PTPRT: variants seen among roughly 807,000 people sequenced by gnomAD.
PTPRT encodes receptor-type tyrosine-protein phosphatase T.
A neutral mutation model predicts 176.8 loss-of-function variants in PTPRT; 56 were observed. That is an observed-to-expected ratio of 0.32 (90% CI 0.26 to 0.40). The LOEUF (loss-of-function observed/expected upper bound fraction) is 0.40. Ranked by LOEUF, PTPRT falls within the 10% of genes least tolerant of loss-of-function variation. The pLI, the probability that PTPRT is intolerant of heterozygous loss-of-function variation, is 1.00. For missense variants in PTPRT, 1,540 were observed against 1,908.2 expected (o/e 0.81, Z 3.60); for synonymous variants, 783 against 739.0 (o/e 1.06, Z -0.96).
At chr20:42,418,171 A>G (rs1369213665) in intron 9 of PTPRT, among the ~76,000 whole-genome samples, 2 of 152,242 alleles carry the variant, frequency 1.3e-5, no homozygotes, top group Non-Finnish European at 2.9e-5. Context: ...TATAAAAAGT[A>G]TAAAATATCT....
intron 7 of PTPRT, among the ~76,000 whole-genome samples, chr20:42,581,150 C>T (rs556748509): frequency 9.9e-5 from 15 of 152,102 alleles, no homozygotes; most frequent in Non-Finnish European, 2.2e-4. Context: ...ACTAGAAAGT[C>T]TTCCCTCCTC....
intron 11 of PTPRT, among the ~76,000 whole-genome samples, chr20:42,321,854 C>A (rs8124605): frequency 0.026 from 3,927 of 152,086 alleles, 157 homozygotes; most frequent in African/African-American, 0.089. Context: ...GAGGCCAAGG[C>A]GGGTGGATCA....
In PTPRT at chr20:42,079,451, T is replaced by C. The variant is rs1983101139; in HGVS notation, c.*1428A>G. The stretch of plus-strand genomic sequence containing the variant: ...TAAGGAAGGTGCGTGGGTTTCCTCA[T>C]TGGAGGAGATGATCAAATGGAGATG... On this transcript the variant is annotated 3_prime_UTR_variant, in exon 31 of 31. Transcript: ENST00000373187. 9.1e-6 allele frequency: 2 copies of C among 220,326 alleles called. No individual in the cohort carries two copies. Among genetic ancestry groups the C allele is most frequent in the African/African-American group, 2.2e-5 (1 of 44,582 alleles). The allele number at this position is 220,326 out of a possible 1,614,324, so 13.6% of individuals were successfully genotyped here.
chr20:42,681,171 A>G (rs1284737158), intron 6 of PTPRT, among the ~76,000 whole-genome samples: 1 of 152,186 alleles, frequency 6.6e-6, no homozygotes, highest in African/African-American at 2.4e-5. Flanking sequence ...GACAAACCCT[A>G]TCTATTTATA....
chr20:42,466,440 T>C (rs1601078252), intron 8 of PTPRT, among the ~76,000 whole-genome samples: 1 of 152,280 alleles, frequency 6.6e-6, no homozygotes, highest in African/African-American at 2.4e-5. Flanking sequence ...AGAACTGAAC[T>C]TTTGAACATA....
intron 1 of PTPRT, among the ~76,000 whole-genome samples, chr20:43,182,359 G>A (rs964488462): frequency 4.6e-5 from 7 of 152,002 alleles, no homozygotes; most frequent in Admixed American, 2.0e-4. Flanking sequence ...GCTCCACGAC[G>A]CTAAGAAAGT....
intron 2 of PTPRT, among the ~76,000 whole-genome samples, chr20:42,878,421 A>G (rs1396824848): frequency 1.3e-5 from 2 of 152,226 alleles, no homozygotes; most frequent in Admixed American, 6.5e-5. Flanking sequence ...AACAATGAAT[A>G]CACATTATTT....
At chr20:42,894,146 A>C (rs1410084612) in intron 1 of PTPRT, among the ~76,000 whole-genome samples, 1 of 152,214 alleles carries the variant, frequency 6.6e-6, no homozygotes, top group Non-Finnish European at 1.5e-5. Flanking sequence ...GAAGCGCCAT[A>C]AGGCCACCAG....
intron 12 of PTPRT, among the ~76,000 whole-genome samples, chr20:42,302,167 C>T (rs1439259921): frequency 1.3e-5 from 2 of 152,124 alleles, no homozygotes; most frequent in African/African-American, 2.4e-5. Context: ...TTTGTGAGCA[C>T]AAGTGCCTTA....
chr20:43,171,115 G>T, intron 1 of PTPRT, among the ~76,000 whole-genome samples: 1 of 152,180 alleles, frequency 6.6e-6, no homozygotes, highest in Non-Finnish European at 1.5e-5. Context: ...AGGTATCAAG[G>T]TCTGTGGCAC....
intron 1 of PTPRT, among the ~76,000 whole-genome samples, chr20:43,169,237 G>A (rs1450271779): frequency 6.6e-6 from 1 of 152,210 alleles, no homozygotes; most frequent in East Asian, 1.9e-4. Context: ...ACTGCGATTA[G>A]GGCAAACAAT....
At chr20:43,093,596 T>A (rs1431720832) in intron 1 of PTPRT, among the ~76,000 whole-genome samples, 1 of 152,208 alleles carries the variant, frequency 6.6e-6, no homozygotes, top group Non-Finnish European at 1.5e-5. Flanking sequence ...TCCAATTTCT[T>A]CCACATCCCT....
intron 2 of PTPRT, among the ~76,000 whole-genome samples, chr20:42,822,481 A>G (rs552325993): frequency 2.6e-5 from 4 of 152,364 alleles, no homozygotes; most frequent in Non-Finnish European, 5.9e-5. Context: ...CATTCAGGAC[A>G]TAGGCATGGG....
intron 8 of PTPRT, among the ~76,000 whole-genome samples, chr20:42,471,168 T>G (rs746398539): frequency 7.2e-5 from 11 of 152,208 alleles, no homozygotes; most frequent in Non-Finnish European, 1.3e-4. Context: ...TGTTTTTAAT[T>G]CTTACATAAT....
At chr20:42,956,596 T>A (rs899449789) in intron 1 of PTPRT, among the ~76,000 whole-genome samples, 1 of 151,960 alleles carries the variant, frequency 6.6e-6, no homozygotes, top group African/African-American at 2.4e-5. Flanking sequence ...TTTTTTTTTT[T>A]AAATAAATTA....
intron 1 of PTPRT, among the ~76,000 whole-genome samples, chr20:43,055,257 G>T (rs1305849569): frequency 6.6e-6 from 1 of 152,136 alleles, no homozygotes; most frequent in East Asian, 1.9e-4. Flanking sequence ...AGGCATGCAG[G>T]AATCAACTTC....
intron 2 of PTPRT, among the ~76,000 whole-genome samples, chr20:42,871,772 TG>T (rs61267823): frequency 0.042 from 6,381 of 152,080 alleles, 339 homozygotes; most frequent in African/African-American, 0.12. Context: ...GAAGATTATT[TG>T]ACCATGTATG....
intron 1 of PTPRT, among the ~76,000 whole-genome samples, chr20:43,020,377 T>C (rs1161564602): frequency 6.6e-6 from 1 of 151,962 alleles, no homozygotes; most frequent in African/African-American, 2.4e-5. Context: ...TGTGTATTTA[T>C]ACGTAGGGAA....
intron 7 of PTPRT, among the ~76,000 whole-genome samples, chr20:42,628,805 C>G (rs2074346323): frequency 6.6e-6 from 1 of 152,132 alleles, no homozygotes; most frequent in Non-Finnish European, 1.5e-5. Context: ...TATCCATGCC[C>G]ATTTGTTTAC....
Sources: allele counts gnomAD v4.1 joint callset (sites outside exome capture counted in the v4.1 genomes callset), GRCh38; gene constraint gnomAD v4.1.1; transcripts MANE v1.5; gene names NCBI Gene and HGNC (gene_info 2026-07-23, HGNC 2026-07-21).